Variants in PRKN observed in about 807,000 individuals in gnomAD.
PRKN encodes the protein E3 ubiquitin-protein ligase parkin.
PRKN carries 56 observed loss-of-function variants against 59.5 expected under a neutral mutation model. That is an observed-to-expected ratio of 0.94 (90% CI 0.76 to 1.18). PRKN has a LOEUF of 1.18. PRKN is among the 50% of genes most tolerant of loss of function. PRKN has a pLI of 0.00. For missense variants in PRKN, 657 were observed against 596.4 expected, an observed-to-expected ratio of 1.10 and a Z score of -1.06; for synonymous variants, 250 against 222.1, an observed-to-expected ratio of 1.13 and a Z score of -1.12.
At chr6:161,505,598 C>T (rs1438687776) in intron 9 of PRKN, among the ~76,000 whole-genome samples, 1 of 152,012 alleles carries the variant, frequency 6.6e-6, no homozygotes, top group African/African-American at 2.4e-5. Flanking sequence ...GAAGTCCTTG[C>T]CCGTGCCTAT....
intron 1 of PRKN, among the ~76,000 whole-genome samples, chr6:162,617,303 C>A (rs573460187): frequency 5.2e-4 from 79 of 152,282 alleles, no homozygotes; most frequent in African/African-American, 1.8e-3. Context: ...GTGATCTGGG[C>A]TCACTGCAAC....
intron 6 of PRKN, among the ~76,000 whole-genome samples, chr6:161,856,361 AAAATAAAT>A (rs113381073): frequency 1.3e-5 from 2 of 149,352 alleles, no homozygotes; most frequent in African/African-American, 2.5e-5. Flanking sequence ...ATGCCATCTC[AAAATAAAT>A]AAATAAATAA....
chr6:162,657,843 A>C (rs934265920), intron 1 of PRKN, among the ~76,000 whole-genome samples: 1 of 152,124 alleles, frequency 6.6e-6, no homozygotes, highest in African/African-American at 2.4e-5. Context: ...ACAAGCACCA[A>C]ATTACTGGCA....
chr6:162,339,101 G>A (rs1329040895), intron 2 of PRKN, among the ~76,000 whole-genome samples: 17 of 139,302 alleles, frequency 1.2e-4, no homozygotes, highest in African/African-American at 3.8e-4. Flanking sequence ...ACCGGCAGCC[G>A]CCCCGTCTGA....
chr6:161,823,774 C>T (rs1329607202), intron 6 of PRKN, among the ~76,000 whole-genome samples: 1 of 152,178 alleles, frequency 6.6e-6, no homozygotes, highest in Non-Finnish European at 1.5e-5. Flanking sequence ...TTTCTGCGAA[C>T]TGCTGAAGCT....
intron 1 of PRKN, among the ~76,000 whole-genome samples, chr6:162,610,274 G>C (rs905731635): frequency 1.3e-5 from 2 of 152,186 alleles, no homozygotes; most frequent in African/African-American, 4.8e-5. Context: ...TAGTGGTAGA[G>C]GCAGGATCAG....
chr6:161,678,568 A>AATT lies in PRKN; in HGVS notation c.871+107203_871+107204insAAT, dbSNP rs562536578. Among the ~76,000 whole-genome samples the AATT allele has an allele frequency of 3.5e-3, 423 of 121,390 alleles. 13 individuals carry two copies. The highest frequency in any genetic ancestry group is 8.3e-3 in the South Asian group (33 of 3,954). 79.6% of individuals were successfully genotyped at this position (121,390 alleles called of 152,430 possible). A position where few individuals can be genotyped will look rare whatever the true frequency, so the allele number is the denominator to read the frequency against. On this transcript the variant is annotated intron_variant, in intron 7 of 11. Transcript: ENST00000366898. ...AATTCCACTCTTATTTTGGTGCCTG[A>AATT]TTTTTTTTTTTTTTTTTTTTTGAGA...
intron 1 of PRKN, among the ~76,000 whole-genome samples, chr6:162,637,942 GAATGATTGAAGCTCCTTGA>G (rs1261615311): frequency 6.6e-6 from 1 of 152,106 alleles, no homozygotes; most frequent in Non-Finnish European, 1.5e-5. Context: ...GAACGCCAAT[GAATGATTGAAGCTCCTTGA>G]AGAAAGCATC....
At chr6:162,030,325 T>C (rs1461408353) in intron 5 of PRKN, among the ~76,000 whole-genome samples, 1 of 152,166 alleles carries the variant, frequency 6.6e-6, no homozygotes, top group Non-Finnish European at 1.5e-5. Flanking sequence ...AAATCACTGC[T>C]GGGAATTAGA....
chr6:162,253,285 A>G (rs1779513207), intron 3 of PRKN, among the ~76,000 whole-genome samples: 1 of 148,838 alleles, frequency 6.7e-6, no homozygotes, highest in South Asian at 2.1e-4. Flanking sequence ...CAACAAATCT[A>G]ATCTAATCTA....
Position 161,581,277 on chromosome 6 carries a change from C to G in PRKN, c.872-11861G>C, listed in dbSNP as rs56219059. On this transcript the variant is annotated intron_variant, in intron 7 of 11. Transcript: ENST00000366898. The surrounding 1 kb of genome is among the most constrained non-coding windows in gnomAD (Gnocchi z 4.5). Reference sequence around the variant, plus strand: ...AGAACTTTCATAGGCATGAGTAAAGCTACTGCAGTGAAAGAACCTGTCAAA... The same window carrying G: ...AGAACTTTCATAGGCATGAGTAAAGGTACTGCAGTGAAAGAACCTGTCAAA... 1.3e-5 allele frequency among the ~76,000 whole-genome samples: 2 copies of G among 152,022 alleles called. No individual in the cohort carries two copies. The highest frequency in any genetic ancestry group is 2.9e-5 in the Non-Finnish European group (2 of 68,024).
chr6:162,562,144 C>T (rs1312409053), intron 1 of PRKN, among the ~76,000 whole-genome samples: 2 of 152,080 alleles, frequency 1.3e-5, no homozygotes, highest in South Asian at 4.2e-4. Context: ...AATTGTGAGG[C>T]CTCTGTTCTA....
Position 161,465,726 on chromosome 6 carries a change from C to T in PRKN, c.1084-78849G>A, listed in dbSNP as rs190431268. 9.9e-5 allele frequency among the ~76,000 whole-genome samples: 15 copies of T among 152,228 alleles called. No homozygotes were observed. The East Asian group carries it at 1.2e-3, about 12-fold the overall frequency. On this transcript the variant is annotated intron_variant, in intron 9 of 11. Transcript: ENST00000366898. Reference sequence around the variant, plus strand: ...TTGTACCGCTACTGCTTAAGATTCACTGTGCTTTTTGGGTATTTAATTTGA... The same window carrying T: ...TTGTACCGCTACTGCTTAAGATTCATTGTGCTTTTTGGGTATTTAATTTGA...
intron 3 of PRKN, among the ~76,000 whole-genome samples, chr6:162,232,421 G>A (rs1262523634): frequency 6.6e-6 from 1 of 152,094 alleles, no homozygotes; most frequent in African/African-American, 2.4e-5. Context: ...ACTCCTGGGG[G>A]TTCATCCCCA....
At chr6:162,643,614 G>A (rs762843475) in intron 1 of PRKN, among the ~76,000 whole-genome samples, 1 of 152,032 alleles carries the variant, frequency 6.6e-6, no homozygotes, top group Admixed American at 6.6e-5. Flanking sequence ...CCTCTATCCA[G>A]TGTTCATAAG....
intron 7 of PRKN, among the ~76,000 whole-genome samples, chr6:161,684,352 G>C (rs1013021089): frequency 1.3e-5 from 2 of 151,954 alleles, no homozygotes; most frequent in African/African-American, 2.4e-5. Flanking sequence ...AAAGTGCTGG[G>C]ATTACACGTG....
At chr6:162,585,505 C>A (rs1781006203) in intron 1 of PRKN, among the ~76,000 whole-genome samples, 1 of 152,116 alleles carries the variant, frequency 6.6e-6, no homozygotes, top group African/African-American at 2.4e-5. Flanking sequence ...TAATGCAGGG[C>A]ATTAGTGTTT....
chr6:162,205,998 T>C (rs1420042194), intron 3 of PRKN, among the ~76,000 whole-genome samples: 1 of 152,158 alleles, frequency 6.6e-6, no homozygotes. Flanking sequence ...CTTGTTTTAA[T>C]CTGTGCTCAT....
chr6:161,507,354 T>C (rs184955646), intron 9 of PRKN, among the ~76,000 whole-genome samples: 1 of 152,168 alleles, frequency 6.6e-6, no homozygotes, highest in African/African-American at 2.4e-5. Context: ...GAATGATCCA[T>C]TTCCTATCAA....
Sources: allele counts gnomAD v4.1 joint callset (sites outside exome capture counted in the v4.1 genomes callset), GRCh38; gene constraint gnomAD v4.1.1; non-coding constraint Gnocchi (gnomAD v3.1); transcripts MANE v1.5; gene names NCBI Gene and HGNC (gene_info 2026-07-23, HGNC 2026-07-21).